PTPRD: variants seen among roughly 807,000 people sequenced by gnomAD.
PTPRD encodes the protein protein tyrosine phosphatase receptor type D, also known as receptor-type tyrosine-protein phosphatase delta.
In PTPRD, 34 loss-of-function variants were observed where a neutral mutation model predicts 214.5. That is an observed-to-expected ratio of 0.16 (90% CI 0.12 to 0.21). The LOEUF is 0.21. Ranked by LOEUF, PTPRD falls within the 10% of genes least tolerant of loss-of-function variation. The probability of loss-of-function intolerance (pLI) is 1.00; values close to 1 mark genes in which losing one functional copy is unlikely to be tolerated. For missense variants in PTPRD, 2,545 were observed against 2,398.7 expected (o/e 1.06, Z -1.27); for synonymous variants, 1,128 against 845.7 (o/e 1.33, Z -5.79).
intron 3 of PTPRD, among the ~76,000 whole-genome samples, chr9:10,151,256 CTT>C (rs71321228): frequency 0.023 from 278 of 12,344 alleles, 3 homozygotes; most frequent in African/African-American, 0.025. Flanking sequence ...TTTTTGTTAA[CTT>C]TTTTTTTTTT....
rs557033996 is a variant in PTPRD, at chr9:9,852,771, A to G, written c.-368+85736T>C. Among the ~76,000 whole-genome samples the G allele has an allele frequency of 8.5e-5, 13 of 152,326 alleles. No individual in the cohort carries two copies. The South Asian group carries it at 2.7e-3, about 32-fold the overall frequency. On this transcript the variant is annotated intron_variant, in intron 5 of 45. Coordinates refer to ENST00000381196, the MANE Select transcript of PTPRD (RefSeq NM_002839.4). ...CAAGATTTCATTTATTCTAAATTAT[A>G]CTATGAGATAGATACAATTGTTTTT...
chr9:9,206,726 T>G (rs1404631629), intron 9 of PTPRD, among the ~76,000 whole-genome samples: 1 of 152,176 alleles, frequency 6.6e-6, no homozygotes, highest in Non-Finnish European at 1.5e-5. Flanking sequence ...TCCAAGTTCT[T>G]TAGCTTTTGG....
At chr9:8,986,699 A>G (rs1424826149) in intron 11 of PTPRD, among the ~76,000 whole-genome samples, 2 of 152,086 alleles carry the variant, frequency 1.3e-5, no homozygotes, top group East Asian at 3.9e-4. Context: ...TGAAAAATAT[A>G]TGCTCACTTT....
chr9:9,110,542 G>C (rs1172599939), intron 10 of PTPRD, among the ~76,000 whole-genome samples: 1 of 152,016 alleles, frequency 6.6e-6, no homozygotes, highest in African/African-American at 2.4e-5. Flanking sequence ...ACCATACCCA[G>C]TCCCACTGTT....
intron 5 of PTPRD, among the ~76,000 whole-genome samples, chr9:9,913,452 T>G (rs977058352): frequency 6.6e-6 from 1 of 152,048 alleles, no homozygotes; most frequent in African/African-American, 2.4e-5. Flanking sequence ...TACAGATGCC[T>G]AGCATTCATC....
intron 8 of PTPRD, among the ~76,000 whole-genome samples, chr9:9,522,197 A>G (rs373369475): frequency 4.0e-5 from 6 of 151,242 alleles, no homozygotes; most frequent in Non-Finnish European, 5.9e-5. Flanking sequence ...TCAGTCTATA[A>G]TTTTGCATAT....
chr9:9,787,068 C>T (rs1334828529), intron 5 of PTPRD, among the ~76,000 whole-genome samples: 5 of 151,596 alleles, frequency 3.3e-5, no homozygotes, highest in African/African-American at 1.2e-4. Flanking sequence ...ACCCGGGCAG[C>T]GGAGGTTGCA....
chr9:9,792,543 G>T (rs970900259), intron 5 of PTPRD, among the ~76,000 whole-genome samples: 1 of 152,108 alleles, frequency 6.6e-6, no homozygotes, highest in African/African-American at 2.4e-5. Context: ...GGAAAAAATA[G>T]AACAATTTTA....
chr9:8,829,717 T>C (rs1012515917), intron 11 of PTPRD, among the ~76,000 whole-genome samples: 1 of 152,144 alleles, frequency 6.6e-6, no homozygotes, highest in African/African-American at 2.4e-5. Context: ...GAGATATATT[T>C]TGACAGCACA....
intron 11 of PTPRD, among the ~76,000 whole-genome samples, chr9:8,741,636 T>A (rs2091963011): frequency 7.6e-6 from 1 of 131,918 alleles, no homozygotes; most frequent in African/African-American, 3.1e-5. Flanking sequence ...CAAGCTGGAG[T>A]GCAGTGGTGT....
At chr9:9,491,959 T>C (rs919840013) in intron 8 of PTPRD, among the ~76,000 whole-genome samples, 1 of 152,000 alleles carries the variant, frequency 6.6e-6, no homozygotes, top group Non-Finnish European at 1.5e-5. Context: ...CAAAAGGTGA[T>C]TCTTTAAAAG....
At chr9:10,011,964 G>A (rs942289960) in intron 4 of PTPRD, among the ~76,000 whole-genome samples, 13 of 151,658 alleles carry the variant, frequency 8.6e-5, no homozygotes, top group African/African-American at 7.3e-5. Context: ...TGTATGTTCC[G>A]GAAACTCGCT....
chr9:9,192,477 C>G (rs1569560725), intron 9 of PTPRD, among the ~76,000 whole-genome samples: 1 of 152,064 alleles, frequency 6.6e-6, no homozygotes, highest in Non-Finnish European at 1.5e-5. Context: ...TGAAGTCAGC[C>G]TGGTTTTAAT....
intron 9 of PTPRD, among the ~76,000 whole-genome samples, chr9:9,264,221 T>C (rs930438733): frequency 3.8e-4 from 58 of 151,630 alleles, no homozygotes; most frequent in African/African-American, 1.4e-3. Flanking sequence ...GAATTGGACA[T>C]CTATGAACTG....
At chr9:9,412,486 A>G (rs972948947) in intron 8 of PTPRD, among the ~76,000 whole-genome samples, 6 of 152,040 alleles carry the variant, frequency 3.9e-5, no homozygotes, top group Non-Finnish European at 8.8e-5. Flanking sequence ...AGGCCATTAT[A>G]ATCTCAGTCT....
intron 11 of PTPRD, among the ~76,000 whole-genome samples, chr9:8,751,687 C>G (rs1381236971): frequency 1.3e-5 from 2 of 152,204 alleles, no homozygotes; most frequent in Admixed American, 6.5e-5. Context: ...CCTTAGTCTT[C>G]ACTCCAGGAT....
chr9:10,130,173 ATT>A (rs71321226), intron 3 of PTPRD, among the ~76,000 whole-genome samples: 2,845 of 143,790 alleles, frequency 0.02, 45 homozygotes, highest in Middle Eastern at 0.052. Context: ...ACTCAAATCT[ATT>A]TTTTTTTTTT....
intron 7 of PTPRD, among the ~76,000 whole-genome samples, chr9:9,688,119 G>A (rs916819682): frequency 3.3e-5 from 5 of 151,774 alleles, no homozygotes; most frequent in Admixed American, 2.6e-4. Context: ...GTTTCCTGAG[G>A]CTTCCTCAAC....
rs536531678 is a variant in PTPRD at position 8,971,158 on chromosome 9, T to C, written c.-104+47539A>G. Among the ~76,000 whole-genome samples the C allele has an allele frequency of 7.9e-4, 120 of 151,940 alleles. 1 individual carries two copies. Among genetic ancestry groups the C allele is most frequent in the African/African-American group, 2.6e-3 (110 of 41,522 alleles). ...ATATATGTAATTTTCAACGAACATTTTAACCCAAGTAATTTATATTGAGTC... is the reference window on the plus strand; with the variant it reads ...ATATATGTAATTTTCAACGAACATTCTAACCCAAGTAATTTATATTGAGTC... On this transcript the variant is annotated intron_variant, in intron 11 of 45. Coordinates refer to ENST00000381196, the MANE Select transcript of PTPRD (RefSeq NM_002839.4).
Sources: allele counts gnomAD v4.1 joint callset (sites outside exome capture counted in the v4.1 genomes callset), GRCh38; gene constraint gnomAD v4.1.1; transcripts MANE v1.5; gene names NCBI Gene and HGNC (gene_info 2026-07-23, HGNC 2026-07-21).